Variants in SYDE1 observed in about 807,000 individuals in gnomAD.
SYDE1 encodes rho GTPase-activating protein SYDE1.
SYDE1 carries 34 observed loss-of-function variants against 63.3 expected under a neutral mutation model. That is an observed-to-expected ratio of 0.54 (90% CI 0.41 to 0.71). SYDE1 has a LOEUF of 0.71. SYDE1 is among the 30% of genes least tolerant of loss of function. The pLI is 0.00. For synonymous variants in SYDE1, 467 were observed against 473.4 expected (o/e 0.99, Z 0.18); for missense variants, 925 against 1,042.5 (o/e 0.89, Z 1.55).
chr19:15,109,213 A>T lies in SYDE1; in HGVS notation c.246A>T (p.Arg82=). 3 of 1,575,144 alleles carry T rather than the reference A, an allele frequency of 1.9e-6. No homozygotes were observed. Among genetic ancestry groups the T allele is most frequent in the Non-Finnish European group, 2.6e-6 (3 of 1,160,304 alleles). ...AAAGCCTGGAGCCCAGTAGCCGCCG[A>T]TGGGTGCTGGGTGGGGCCAAGCCAG... ...YLQSLEPSSR[R]WVLGGAKPAE... is the part of the protein sequence containing the mutation. The change falls in exon 2 of 8, where the codon CGA becomes CGT. Residue 82 remains arginine (R), a synonymous_variant. Transcript: ENST00000342784. The surrounding 1 kb of genome is among the most constrained non-coding windows in gnomAD (Gnocchi z 5.0).
chr19:15,113,451 A>G, intron 7 of SYDE1, 109 bp from the exon 8 acceptor site: 4 of 1,324,686 alleles, frequency 3.0e-6, no homozygotes, highest in Non-Finnish European at 4.1e-6. Flanking sequence ...TGAAAACCTG[A>G]AAGGGTCGAA....
chr19:15,114,189 C>G lies in SYDE1; in HGVS notation c.*226C>G. 1.8e-6 allele frequency: 1 copy of G among 548,976 alleles called. No individual in the cohort carries two copies. Among genetic ancestry groups the G allele is most frequent in the South Asian group, 2.4e-5 (1 of 42,414 alleles). The allele number at this position is 548,976 out of a possible 1,614,324, so 34.0% of individuals were successfully genotyped here. A position where few individuals can be genotyped will look rare whatever the true frequency, so the allele number is the denominator to read the frequency against. On this transcript the variant is annotated 3_prime_UTR_variant, in exon 8 of 8. Transcript: ENST00000342784. Reference sequence around the variant, plus strand: ...GTCTGGGGCCTGGGGATTTTAGGGACCAGCGGTTGTGACCATCTTTCCTGA... The same window carrying G: ...GTCTGGGGCCTGGGGATTTTAGGGAGCAGCGGTTGTGACCATCTTTCCTGA...
rs1010885639 is a variant in SYDE1, at chr19:15,111,936, C to T, written c.1578+144C>T. On this transcript the variant is annotated intron_variant, in intron 6 of 7. Transcript: ENST00000342784. The surrounding 1 kb of genome is among the most constrained non-coding windows in gnomAD (Gnocchi z 5.5). ...AATAGGTGCTATTAGCATCCCACTT[C>T]ATAGATTTGGAAACTGAGGCCCAAA... is the stretch of plus-strand genomic sequence containing the variant. 2.4e-4 allele frequency: 215 copies of T among 886,942 alleles called. 1 individual carries two copies. The East Asian group carries it at 6.0e-3, about 25-fold the overall frequency. 54.9% of individuals were successfully genotyped at this position (886,942 alleles called of 1,614,324 possible).
chr19:15,111,460 C>T lies in SYDE1; in HGVS notation c.1417+21C>T, dbSNP rs2046345478. 2 of 1,612,618 alleles carry T rather than the reference C, an allele frequency of 1.2e-6. No homozygotes were observed. Among genetic ancestry groups the T allele is most frequent in the Admixed American group, 3.3e-5 (2 of 59,954 alleles). On this transcript the variant is annotated intron_variant, in intron 5 of 7. Transcript: ENST00000342784. The surrounding 1 kb of genome is among the most constrained non-coding windows in gnomAD (Gnocchi z 5.5). Reference sequence around the variant, plus strand: ...CACTGGTCAGCATGGCCCCCTCTCCCCTGCCTGCTCACCCCCATTCAATGC... The same window carrying T: ...CACTGGTCAGCATGGCCCCCTCTCCTCTGCCTGCTCACCCCCATTCAATGC...
chr19:15,113,988 GT>G lies in SYDE1; in HGVS notation c.*27del. The G allele has an allele frequency of 6.3e-7, 1 of 1,597,378 alleles. No homozygotes were observed. Among genetic ancestry groups the G allele is most frequent in the Non-Finnish European group, 8.5e-7 (1 of 1,170,090 alleles). The stretch of plus-strand genomic sequence containing the variant: ...AGCCAGATGACGGGGTGGGACCCCG[GT>G]TAGTAAGGACCGGGCGCCCAGTGGC... On this transcript the variant is annotated 3_prime_UTR_variant, in exon 8 of 8. Coordinates refer to ENST00000342784, the MANE Select transcript of SYDE1 (RefSeq NM_033025.6).
chr19:15,111,254 G>C lies in SYDE1; in HGVS notation c.1291-59G>C. 1 of 1,597,062 alleles carries C rather than the reference G, an allele frequency of 6.3e-7. No homozygotes were observed. The highest frequency in any genetic ancestry group is 8.6e-7 in the Non-Finnish European group (1 of 1,167,786). ...CAGAATTCCAGTGCTCACCCCACTG[G>C]GCCCTGATTAGTCTGTGGCCCCGGC... is the stretch of plus-strand genomic sequence containing the variant. On this transcript the variant is annotated intron_variant, in intron 4 of 7. Coordinates refer to ENST00000342784, the MANE Select transcript of SYDE1 (RefSeq NM_033025.6). This position sits in a 1 kb window ranked among gnomAD's most constrained non-coding sequence, Gnocchi z 5.5.
chr19:15,111,757 C>T lies in SYDE1; in HGVS notation c.1543C>T (p.Arg515Ter), dbSNP rs1294323155. Residue 515 changes from arginine (R) to a stop codon, truncating the protein, a stop_gained, in exon 6 of 8, where the codon CGA becomes TGA. Transcript: ENST00000342784. LOFTEE classifies it high-confidence loss of function. This position sits in a 1 kb window ranked among gnomAD's most constrained non-coding sequence, Gnocchi z 5.5. ...NRVPPTTEGT[R>*]GLLSCLPDVE... ...AGTTCCCCCCACCACTGAGGGCACC[C>T]GAGGGCTCCTCAGCTGCCTGCCAGA... 9 of 1,603,094 alleles carry T rather than the reference C, an allele frequency of 5.6e-6. No homozygotes were observed. Among genetic ancestry groups the T allele is most frequent in the Non-Finnish European group, 2.6e-6 (3 of 1,175,104 alleles).
intron 1 of SYDE1, among the ~76,000 whole-genome samples, chr19:15,107,735 G>A (rs1199358061): frequency 6.6e-6 from 1 of 151,970 alleles, no homozygotes; most frequent in Non-Finnish European, 1.5e-5. Context: ...CTGCTGGCCG[G>A]GGATGCCAGC....
rs199618647 is a variant in SYDE1 at position 15,113,973 on chromosome 19, C to T, written c.*10C>T. 1.6e-4 allele frequency: 254 copies of T among 1,604,914 alleles called. No homozygotes were observed. The highest frequency in any genetic ancestry group is 3.9e-4 in the Admixed American group (23 of 59,658). On this transcript the variant is annotated 3_prime_UTR_variant, in exon 8 of 8. Coordinates refer to ENST00000342784, the MANE Select transcript of SYDE1 (RefSeq NM_033025.6). Reference sequence around the variant, plus strand: ...CAACGTGTGCCTCTGAGCCAGATGACGGGGTGGGACCCCGGTTAGTAAGGA... The same window carrying T: ...CAACGTGTGCCTCTGAGCCAGATGATGGGGTGGGACCCCGGTTAGTAAGGA...
Position 15,109,617 on chromosome 19 carries a change from C to T in SYDE1, c.431-87C>T. On this transcript the variant is annotated intron_variant, in intron 2 of 7. Coordinates refer to ENST00000342784, the MANE Select transcript of SYDE1 (RefSeq NM_033025.6). This position sits in a 1 kb window ranked among gnomAD's most constrained non-coding sequence, Gnocchi z 5.0. ...CTCCCCGCCAGGGGAACACCAGCCT[C>T]ACACTCCTTCCCTTCAGGGGAGCAC... 1.1e-5 allele frequency: 10 copies of T among 943,266 alleles called. No homozygotes were observed. The South Asian group carries it at 1.7e-4, about 16-fold the overall frequency. 58.4% of individuals were successfully genotyped at this position (943,266 alleles called of 1,614,324 possible).
Position 15,113,797 on chromosome 19 carries a change from G to A in SYDE1, c.2042G>A (p.Ser681Asn), listed in dbSNP as rs759594633. The change falls in exon 8 of 8, where the codon AGT becomes AAT. Residue 681 changes from serine (S) to asparagine (N), a missense_variant. This residue lies in a region of SYDE1 where 255 missense variants were observed against 255.9 expected (regional missense o/e 1.00). Transcript: ENST00000342784. Reference sequence around the variant, plus strand: ...CCAGACTACGACCACGTGACGGGCAGTGACAGCGAGGACGAGGACGAGGAG... The same window carrying A: ...CCAGACTACGACCACGTGACGGGCAATGACAGCGAGGACGAGGACGAGGAG... ...SGPDYDHVTG[S>N]DSEDEDEEVG... 4 of 1,614,182 alleles carry A rather than the reference G, an allele frequency of 2.5e-6. No individual in the cohort carries two copies. The highest frequency in any genetic ancestry group is 3.4e-6 in the Non-Finnish European group (4 of 1,180,056).
chr19:15,111,723 C>T lies in SYDE1; in HGVS notation c.1509C>T (p.Pro503=). The T allele has an allele frequency of 6.2e-7, 1 of 1,611,422 alleles. No homozygotes were observed. Among genetic ancestry groups the T allele is most frequent in the South Asian group, 1.1e-5 (1 of 90,490 alleles). Residue 503 remains proline, a synonymous_variant, in exon 6 of 8, where the codon CCC becomes CCT. Transcript: ENST00000342784. The surrounding 1 kb of genome is among the most constrained non-coding windows in gnomAD (Gnocchi z 5.5). ...KVVLEAMARD[P]PNRVPPTTEG... ...TACTGGAGGCCATGGCCCGGGACCC[C>T]CCAAACAGAGTTCCCCCCACCACTG... is the stretch of plus-strand genomic sequence containing the variant.
At position 15,111,825 on chromosome 19, in the gene SYDE1, G is replaced by A; in HGVS notation, c.1578+33G>A. On this transcript the variant is annotated intron_variant, in intron 6 of 7. Transcript: ENST00000342784. This position sits in a 1 kb window ranked among gnomAD's most constrained non-coding sequence, Gnocchi z 5.5. ...GGGCCTGGTGGGAGTGATGGGACTT[G>A]AGAGTGGGCTGATACCAATAGAATG... The A allele has an allele frequency of 6.5e-7, 1 of 1,539,462 alleles. No homozygotes were observed. Among genetic ancestry groups the A allele is most frequent in the Non-Finnish European group, 8.7e-7 (1 of 1,142,862 alleles).
At position 15,107,420 on chromosome 19, in the gene SYDE1, G is replaced by C. The variant is rs770594487; in HGVS notation, c.-14G>C. 2 of 1,332,236 alleles carry C rather than the reference G, an allele frequency of 1.5e-6. No homozygotes were observed. Among genetic ancestry groups the C allele is most frequent in the South Asian group, 1.3e-5 (1 of 76,116 alleles). 82.5% of individuals were successfully genotyped at this position (1,332,236 alleles called of 1,614,324 possible). ...CGGGGCGCGCACTCGGCTCGGCCCG[G>C]CCCGGGCCGCAGCATGGCCGAGCCG... On this transcript the variant is annotated 5_prime_UTR_variant, in exon 1 of 8. Transcript: ENST00000342784.
Position 15,113,965 on chromosome 19 carries a change from C to T in SYDE1, c.*2C>T. The T allele has an allele frequency of 1.2e-6, 2 of 1,608,108 alleles. No homozygotes were observed. Among genetic ancestry groups the T allele is most frequent in the Non-Finnish European group, 1.7e-6 (2 of 1,175,876 alleles). Reference sequence around the variant, plus strand: ...AAGCAAATCAACGTGTGCCTCTGAGCCAGATGACGGGGTGGGACCCCGGTT... The same window carrying T: ...AAGCAAATCAACGTGTGCCTCTGAGTCAGATGACGGGGTGGGACCCCGGTT... On this transcript the variant is annotated 3_prime_UTR_variant, in exon 8 of 8. Transcript: ENST00000342784.
intron 6 of SYDE1, 65 bp from the exon 7 acceptor site, chr19:15,112,281 T>C: frequency 8.9e-7 from 1 of 1,124,148 alleles, no homozygotes; most frequent in Non-Finnish European, 1.3e-6. Flanking sequence ...CACCTTAGTC[T>C]CTTGCAGGTA....
chr19:15,109,731 A>G lies in SYDE1; in HGVS notation c.458A>G (p.Lys153Arg). Residue 153 changes from lysine (K) to arginine (R), a missense_variant, in exon 3 of 8, where the codon AAA becomes AGA. Lys to Arg is a conservative substitution (Grantham distance 26, BLOSUM62 2). Coordinates refer to ENST00000342784, the MANE Select transcript of SYDE1 (RefSeq NM_033025.6). This position sits in a 1 kb window ranked among gnomAD's most constrained non-coding sequence, Gnocchi z 5.0. Reference protein sequence around the residue: ...QGAAPASPPTKASRTKSPGPA... With the variant: ...QGAAPASPPTRASRTKSPGPA... Reference sequence around the variant, plus strand: ...GCAGCCCCCGCCAGCCCCCCAACCAAAGCCTCCCGCACCAAGTCCCCGGGC... The same window carrying G: ...GCAGCCCCCGCCAGCCCCCCAACCAGAGCCTCCCGCACCAAGTCCCCGGGC... 6.6e-7 allele frequency: 1 copy of G among 1,523,632 alleles called. No individual in the cohort carries two copies. The highest frequency in any genetic ancestry group is 8.8e-7 in the Non-Finnish European group (1 of 1,135,134). 94.4% of individuals were successfully genotyped at this position (1,523,632 alleles called of 1,614,324 possible).
chr19:15,113,518 C>G (rs1032811168), intron 7 of SYDE1, 42 bp from the exon 8 acceptor site: 13 of 1,503,962 alleles, frequency 8.6e-6, no homozygotes, highest in African/African-American at 1.4e-5. Context: ...AATCAGAGGT[C>G]GGCTGTCGCC....
chr19:15,110,355 C>G lies in SYDE1; in HGVS notation c.1075+7C>G. Reference sequence around the variant, plus strand: ...CTGCCCACGGTCTTCCGAGGTAGGACATGCGGCTGCAGGGGAGGAGGGGCA... The same window carrying G: ...CTGCCCACGGTCTTCCGAGGTAGGAGATGCGGCTGCAGGGGAGGAGGGGCA... On this transcript the variant is annotated splice_region_variant and intron_variant, in intron 3 of 7. Transcript: ENST00000342784. This position sits in a 1 kb window ranked among gnomAD's most constrained non-coding sequence, Gnocchi z 6.9. 2 of 1,434,542 alleles carry G rather than the reference C, an allele frequency of 1.4e-6. No homozygotes were observed. Among genetic ancestry groups the G allele is most frequent in the Non-Finnish European group, 1.8e-6 (2 of 1,095,614 alleles). The allele number at this position is 1,434,542 out of a possible 1,614,324, so 88.9% of individuals were successfully genotyped here. A position where few individuals can be genotyped will look rare whatever the true frequency, so the allele number is the denominator to read the frequency against.
Sources: gnomAD v4.1 joint callset for allele counts (sites outside exome capture counted in the v4.1 genomes callset) on GRCh38, gnomAD v4.1.1 for gene constraint, gnomAD v4.1.1 regional missense constraint, Gnocchi (gnomAD v3.1) non-coding constraint, MANE v1.5 for transcripts, NCBI Gene and HGNC (gene_info 2026-07-23, HGNC 2026-07-21) for gene names.